The following TCF12 variants were observed in gnomAD, a reference collection of about 807,000 sequenced individuals.
TCF12 encodes the protein DNA-binding protein HTF4.
Under a neutral mutation model 86.0 loss-of-function variants are expected in TCF12, and 45 were observed. The observed-to-expected ratio is 0.52, with a 90% CI of 0.41 to 0.67. TCF12 has a LOEUF of 0.67. Ranked by LOEUF, TCF12 falls within the 30% of genes least tolerant of loss-of-function variation. The pLI is 0.00. For missense variants in TCF12, 881 were observed against 859.9 expected (o/e 1.02, Z -0.31); for synonymous variants, 330 against 299.6 (o/e 1.10, Z -1.05).
intron 3 of TCF12, among the ~76,000 whole-genome samples, chr15:57,056,564 A>G (rs912303135): frequency 5.9e-5 from 9 of 152,124 alleles, no homozygotes; most frequent in Admixed American, 2.0e-4. Context: ...GCTCCAATCA[A>G]TCCTCCAATG....
chr15:57,240,954 C>T (rs2059599474), intron 12 of TCF12, among the ~76,000 whole-genome samples: 1 of 150,266 alleles, frequency 6.7e-6, no homozygotes, highest in African/African-American at 2.5e-5. Context: ...AGTTTGATGA[C>T]CTTCCCTAAT....
intron 19 of TCF12, among the ~76,000 whole-genome samples, chr15:57,277,900 A>G (rs1393345129): frequency 2.0e-5 from 3 of 152,048 alleles, no homozygotes; most frequent in Admixed American, 6.5e-5. Flanking sequence ...TGGTTGTAGC[A>G]CCACACTCCA....
chr15:57,059,646 C>G (rs2068302484), intron 3 of TCF12, among the ~76,000 whole-genome samples: 1 of 150,648 alleles, frequency 6.6e-6, no homozygotes, highest in African/African-American at 2.4e-5. Flanking sequence ...GCAGGTCTTG[C>G]CTAAGTCTCA....
chr15:57,232,516 T>C, intron 10 of TCF12, 86 bp downstream of exon 10: 1 of 1,511,782 alleles, frequency 6.6e-7, no homozygotes, highest in South Asian at 1.4e-5. Flanking sequence ...AATCTAAGTC[T>C]GCCAAAACTT....
rs536465362 is a variant in TCF12, at chr15:57,232,927, T to C, written c.970+71T>C. 699 of 1,049,878 alleles carry C rather than the reference T, an allele frequency of 6.7e-4. 5 individuals carry two copies. The African/African-American group carries it at 0.011, about 16-fold the overall frequency. 65.0% of individuals were successfully genotyped at this position (1,049,878 alleles called of 1,614,324 possible). On this transcript the variant is annotated intron_variant, in intron 11 of 20. Coordinates refer to ENST00000333725, the MANE Select transcript of TCF12 (RefSeq NM_207037.2). The stretch of plus-strand genomic sequence containing the variant: ...TCAGTGACCCCGATATCTTTATATA[T>C]ATATATGTATGTTTTATATATATAA...
At chr15:57,180,108 T>G (rs1374230703) in intron 6 of TCF12, among the ~76,000 whole-genome samples, 1 of 152,230 alleles carries the variant, frequency 6.6e-6, no homozygotes, top group African/African-American at 2.4e-5. Flanking sequence ...TACAATTATT[T>G]TACAAATGGC....
chr15:57,008,348 C>A (rs1370354903), intron 3 of TCF12, among the ~76,000 whole-genome samples: 1 of 150,546 alleles, frequency 6.6e-6, no homozygotes, highest in Non-Finnish European at 1.5e-5. Flanking sequence ...ATGGTAACTC[C>A]ACTCACATTA....
At chr15:57,001,924 A>C (rs1201388759) in intron 3 of TCF12, among the ~76,000 whole-genome samples, 1 of 152,248 alleles carries the variant, frequency 6.6e-6, no homozygotes, top group Non-Finnish European at 1.5e-5. Flanking sequence ...GGAAGGTGTT[A>C]CAACAACCCT....
chr15:57,254,010 T>A (rs1275362287), intron 16 of TCF12, among the ~76,000 whole-genome samples: 4 of 152,156 alleles, frequency 2.6e-5, no homozygotes, highest in Non-Finnish European at 5.9e-5. Flanking sequence ...AAAAGTATGA[T>A]AATTTTTAAA....
intron 3 of TCF12, among the ~76,000 whole-genome samples, chr15:56,953,458 C>G (rs2061367273): frequency 6.6e-6 from 1 of 151,804 alleles, no homozygotes; most frequent in Non-Finnish European, 1.5e-5. Flanking sequence ...TGGTATGTTT[C>G]TTTTTTTCTA....
intron 3 of TCF12, among the ~76,000 whole-genome samples, chr15:56,976,116 T>A (rs1322850297): frequency 3.9e-5 from 6 of 152,156 alleles, no homozygotes; most frequent in African/African-American, 1.2e-4. Context: ...AATGAAACAG[T>A]CATTTTTTTT....
At chr15:57,097,223 G>A (rs758155795) in intron 5 of TCF12, among the ~76,000 whole-genome samples, 2 of 152,138 alleles carry the variant, frequency 1.3e-5, no homozygotes, top group Non-Finnish European at 2.9e-5. Context: ...CTATCAAAGG[G>A]TAATACAACC....
chr15:56,944,001 A>AGT (rs879372684), intron 3 of TCF12, among the ~76,000 whole-genome samples: 19 of 152,126 alleles, frequency 1.2e-4, no homozygotes, highest in Admixed American at 1.2e-3. Flanking sequence ...GAACCATTGA[A>AGT]GTGTGTGTCT....
chr15:57,237,765 A>G (rs1385073073), intron 12 of TCF12, among the ~76,000 whole-genome samples: 1 of 152,238 alleles, frequency 6.6e-6, no homozygotes, highest in African/African-American at 2.4e-5. Context: ...AATAAAGCCA[A>G]ATAAAGCCTG....
At chr15:57,011,880 A>G (rs1252337198) in intron 3 of TCF12, among the ~76,000 whole-genome samples, 1 of 152,202 alleles carries the variant, frequency 6.6e-6, no homozygotes, top group African/African-American at 2.4e-5. Context: ...AGAAGTGATT[A>G]CATTTTGAGA....
rs1156815670 is a variant in TCF12 at position 57,131,613 on chromosome 15, CATT to C, written c.326-34786_326-34784del. Among the ~76,000 whole-genome samples the C allele has an allele frequency of 5.9e-5, 9 of 152,288 alleles. No individual in the cohort carries two copies. In the East Asian group the frequency reaches 1.5e-3, roughly 26 times the overall value. On this transcript the variant is annotated intron_variant, in intron 5 of 20. Transcript: ENST00000333725. ...ACCACTTATAACAATAAGTATATCT[CATT>C]ATGCTTTTCCTGCTGTACTTTTGGA...
At chr15:57,044,667 T>C (rs558694494) in intron 3 of TCF12, among the ~76,000 whole-genome samples, 4 of 152,312 alleles carry the variant, frequency 2.6e-5, no homozygotes, top group Admixed American at 6.5e-5. Context: ...TTCTTTGAAG[T>C]AGAGCTTTTC....
intron 3 of TCF12, among the ~76,000 whole-genome samples, chr15:57,020,235 G>A (rs1003232430): frequency 7.2e-5 from 11 of 152,220 alleles, no homozygotes; most frequent in African/African-American, 2.4e-4. Context: ...CTTAACAGAT[G>A]TGGTTAGGGG....
chr15:57,051,084 T>G (rs2067580905), intron 3 of TCF12, among the ~76,000 whole-genome samples: 1 of 152,220 alleles, frequency 6.6e-6, no homozygotes, highest in Non-Finnish European at 1.5e-5. Context: ...TTGTAGAAGT[T>G]TTGGCTTTTG....
Sources: gnomAD v4.1 joint callset for allele counts (sites outside exome capture counted in the v4.1 genomes callset) on GRCh38, gnomAD v4.1.1 for gene constraint, MANE v1.5 for transcripts, NCBI Gene and HGNC (gene_info 2026-07-23, HGNC 2026-07-21) for gene names.